ARL10: variants seen among roughly 807,000 people sequenced by gnomAD.
ARL10 encodes ADP-ribosylation factor-like protein 10.
Under a neutral mutation model 26.1 loss-of-function variants are expected in ARL10, and 23 were observed. The observed-to-expected ratio is 0.88, with a 90% CI of 0.63 to 1.25. ARL10 has a LOEUF of 1.25. Among genes scored for constraint, ARL10 ranks in the 50% most tolerant of loss-of-function variants. The pLI is 0.00. For synonymous variants in ARL10, 138 were observed against 149.1 expected, an observed-to-expected ratio of 0.93 and a Z score of 0.54; for missense variants, 300 against 323.6, an observed-to-expected ratio of 0.93 and a Z score of 0.56.
chr5:176,398,813 A>G (rs1013314495), intron 1 of ARL10, among the ~76,000 whole-genome samples: 1 of 151,898 alleles, frequency 6.6e-6, no homozygotes, highest in Non-Finnish European at 1.5e-5. Flanking sequence ...GGTTGTATTA[A>G]CTCCTAACAC....
chr5:176,386,662 A>G, downstream of ARL10: 1 of 702,542 alleles, frequency 1.4e-6, no homozygotes, highest in South Asian at 1.5e-5. Flanking sequence ...GGGTTTAGTC[A>G]GTACAATGAA....
the ARL10 span, chr5:176,410,116 C>A: frequency 4.2e-6 from 3 of 717,100 alleles, no homozygotes; most frequent in Non-Finnish European, 7.0e-6. Context: ...ATTCCAAAAA[C>A]CTTTCTCTAT....
At chr5:176,365,894 G>T (rs973788771) in intron 1 of ARL10, 148 bp downstream of exon 1, 2 of 897,478 alleles carry the variant, frequency 2.2e-6, no homozygotes, top group African/African-American at 1.7e-5. Flanking sequence ...CACAGGCCCC[G>T]CGCGGGTGGG....
At chr5:176,366,243 C>T (rs1768295127) in intron 1 of ARL10, 137 bp from the exon 2 acceptor site, 2 of 1,022,422 alleles carry the variant, frequency 2.0e-6, no homozygotes, top group Admixed American at 2.8e-5. Flanking sequence ...CGGCGTTCGT[C>T]CCACTCATCC....
the ARL10 span, chr5:176,410,385 C>A: frequency 1.7e-6 from 2 of 1,177,546 alleles, no homozygotes; most frequent in South Asian, 1.3e-5. Flanking sequence ...GCCCCTCAAC[C>A]CAAACTCTGT....
chr5:176,388,655 G>T, downstream of ARL10: 1 of 1,343,688 alleles, frequency 7.4e-7, no homozygotes, highest in East Asian at 2.3e-5. Flanking sequence ...GGGAAATGTA[G>T]TCCTTTTGTA....
chr5:176,366,715 G>T (rs555955379), intron 2 of ARL10, 134 bp downstream of exon 2: 2 of 1,069,600 alleles, frequency 1.9e-6, no homozygotes, highest in African/African-American at 1.6e-5. Flanking sequence ...ACCGCTCTCC[G>T]GGGCACAGGA....
intron 1 of ARL10, among the ~76,000 whole-genome samples, chr5:176,401,522 A>G (rs536448560): frequency 2.0e-5 from 3 of 152,224 alleles, no homozygotes; most frequent in Admixed American, 1.3e-4. Flanking sequence ...TCTGAGAAAA[A>G]GGCACCACAG....
the ARL10 span, among the ~76,000 whole-genome samples, chr5:176,412,454 T>C: frequency 6.1e-4 from 93 of 152,266 alleles, no homozygotes; most frequent in Middle Eastern, 6.8e-3. Flanking sequence ...GCAGTAACTA[T>C]TGGCTAAATG....
intron 1 of ARL10, chr5:176,397,732 A>G (rs764319586): frequency 1.2e-6 from 2 of 1,608,392 alleles, no homozygotes; most frequent in East Asian, 2.2e-5. Context: ...GGACCCCACA[A>G]GAGAATGAGT....
In ARL10 at chr5:176,371,999, C is replaced by T; in HGVS notation, c.*104C>T. On this transcript the variant is annotated 3_prime_UTR_variant, in exon 4 of 4. Transcript: ENST00000310389. ...GGGCAAGAGCCACATGGCAGCATTT[C>T]CCTTTTCCCCTCCTTTGCCTTTCAA... 1 of 1,483,674 alleles carries T rather than the reference C, an allele frequency of 6.7e-7. No individual in the cohort carries two copies. Among genetic ancestry groups the T allele is most frequent in the Non-Finnish European group, 9.0e-7 (1 of 1,114,606 alleles). The allele number at this position is 1,483,674 out of a possible 1,614,324, so 91.9% of individuals were successfully genotyped here.
chr5:176,397,685 C>A (rs768189915), intron 1 of ARL10: 1 of 1,613,892 alleles, frequency 6.2e-7, no homozygotes, highest in African/African-American at 1.3e-5. Flanking sequence ...GGCCTTCTCC[C>A]GCCATTCCTG....
rs555373799 is a variant in ARL10, at chr5:176,371,248, A to G, written c.562-474A>G. On this transcript the variant is annotated intron_variant, in intron 3 of 3. Coordinates refer to ENST00000310389, the MANE Select transcript of ARL10 (RefSeq NM_173664.6). The stretch of plus-strand genomic sequence containing the variant: ...AAATTAGCCAGGCGTGGTGGCTCAC[A>G]CCTGTAGTCCCAGCTACTAGGGAGG... 4.9e-4 allele frequency among the ~76,000 whole-genome samples: 75 copies of G among 152,134 alleles called. 2 individuals carry two copies. Among genetic ancestry groups the G allele is most frequent in the South Asian group, 6.2e-4 (3 of 4,816 alleles).
intron 2 of ARL10, 56 bp downstream of exon 2, chr5:176,366,637 TC>T: frequency 6.3e-7 from 1 of 1,588,428 alleles, no homozygotes; most frequent in Non-Finnish European, 8.6e-7. Context: ...AGTCCTGGAT[TC>T]TCTGCAGGGA....
At chr5:176,397,787 C>T in intron 1 of ARL10, 4 of 1,538,330 alleles carry the variant, frequency 2.6e-6, no homozygotes, top group Non-Finnish European at 2.7e-6. Flanking sequence ...GCGCTCCTCC[C>T]CTGGCCCCTG....
chr5:176,368,816 G>A lies in ARL10; in HGVS notation c.395G>A (p.Ser132Asn). Reference sequence around the variant, plus strand: ...CCTGGCCTCTCCTCAGTTGGGGGCAGCCAGAACCTGCGCTTCTACTGGAAG... The same window carrying A: ...CCTGGCCTCTCCTCAGTTGGGGGCAACCAGAACCTGCGCTTCTACTGGAAG... ...FEVDLLEIGG[S>N]QNLRFYWKEF... is the part of the protein sequence containing the mutation. Residue 132 changes from serine (S) to asparagine (N), a missense_variant, in exon 3 of 4, where the codon AGC (serine) becomes AAC (asparagine). By Grantham distance (46) the Ser-to-Asn change is conservative. Transcript: ENST00000310389. The surrounding 1 kb of genome is among the most constrained non-coding windows in gnomAD (Gnocchi z 4.1). 1 of 1,611,248 alleles carries A rather than the reference G, an allele frequency of 6.2e-7. No individual in the cohort carries two copies. The highest frequency in any genetic ancestry group is 1.3e-5 in the African/African-American group (1 of 75,024).
chr5:176,384,212 C>A (rs376739245), downstream of ARL10: 25 of 1,614,056 alleles, frequency 1.5e-5, no homozygotes, highest in Admixed American at 2.0e-4. Context: ...CAGCCTGGGG[C>A]AGCTGTGATG....
At chr5:176,403,217 T>C (rs1471887196), downstream of ARL10, among the ~76,000 whole-genome samples, 1 of 151,918 alleles carries the variant, frequency 6.6e-6, no homozygotes, top group Non-Finnish European at 1.5e-5. Context: ...ACCTGGCTAC[T>C]TTTTTTATTT....
At chr5:176,388,993 A>T (rs746256904), downstream of ARL10, 68 of 1,613,630 alleles carry the variant, frequency 4.2e-5, no homozygotes, top group Non-Finnish European at 1.6e-5. Flanking sequence ...TGCGGTAGGA[A>T]CTGCACAAGG....
Sources: allele counts gnomAD v4.1 joint callset (sites outside exome capture counted in the v4.1 genomes callset), GRCh38; gene constraint gnomAD v4.1.1; non-coding constraint Gnocchi (gnomAD v3.1); transcripts MANE v1.5; gene names NCBI Gene and HGNC (gene_info 2026-07-23, HGNC 2026-07-21).